Variants in PDE9A observed in about 807,000 individuals in gnomAD.
PDE9A encodes the protein phosphodiesterase 9A.
PDE9A carries 60 observed loss-of-function variants against 87.4 expected under a neutral mutation model. The observed-to-expected ratio is 0.69, with a 90% CI of 0.56 to 0.85. The LOEUF (loss-of-function observed/expected upper bound fraction) is 0.85, where lower values mean the gene tolerates loss of function less well. Ranked by LOEUF, PDE9A falls within the 40% of genes least tolerant of loss-of-function variation. PDE9A has a pLI of 0.00. For synonymous variants in PDE9A, 272 were observed against 279.4 expected (o/e 0.97, Z 0.27); for missense variants, 665 against 779.0 (o/e 0.85, Z 1.74).
rs139323311 is a variant in PDE9A at position 42,762,984 on chromosome 21, C to T, written c.1242+745C>T. ...CTGGGATTACAGGTGTGAGCCACCA[C>T]GCCCGGCCACCCCTTCCATTTTAGA... On this transcript the variant is annotated intron_variant, in intron 14 of 19. Coordinates refer to ENST00000291539, the MANE Select transcript of PDE9A (RefSeq NM_002606.3). Among the ~76,000 whole-genome samples, 418 of 152,332 alleles carry T rather than the reference C, an allele frequency of 2.7e-3. 1 individual carries two copies. Among genetic ancestry groups the T allele is most frequent in the African/African-American group, 9.4e-3 (390 of 41,576 alleles).
chr21:42,774,566 G>A (rs947973751), intron 19 of PDE9A, among the ~76,000 whole-genome samples: 4 of 152,128 alleles, frequency 2.6e-5, no homozygotes, highest in African/African-American at 9.7e-5. Context: ...CAATATATCT[G>A]ATGGCCTCTT....
Position 42,771,743 on chromosome 21 carries a change from C to T in PDE9A, c.1687-696C>T, listed in dbSNP as rs374101470. Among the ~76,000 whole-genome samples, 62 of 152,374 alleles carry T rather than the reference C, an allele frequency of 4.1e-4. 1 individual carries two copies. In the South Asian group the frequency reaches 0.012, roughly 31 times the overall value. ...ATCTCCCTCGACTGACGGCCCCGTG[C>T]TCCCCATGCCCACACCCGCCTGGAG... On this transcript the variant is annotated intron_variant, in intron 18 of 19. Coordinates refer to ENST00000291539, the MANE Select transcript of PDE9A (RefSeq NM_002606.3).
intron 4 of PDE9A, among the ~76,000 whole-genome samples, chr21:42,718,304 C>T (rs953486066): frequency 1.3e-5 from 2 of 151,782 alleles, no homozygotes; most frequent in East Asian, 1.9e-4. Flanking sequence ...TATCCTTCTT[C>T]ATGTTCATTG....
At chr21:42,689,301 C>G (rs2059658779) in intron 3 of PDE9A, among the ~76,000 whole-genome samples, 1 of 152,246 alleles carries the variant, frequency 6.6e-6, no homozygotes, top group Non-Finnish European at 1.5e-5. Flanking sequence ...AGTCTCCCCT[C>G]CTGCCCTAGC....
rs948905025 is a variant in PDE9A, at chr21:42,775,334, C to T, written c.*41C>T. ...TGGCTGCAGTTCTGGACGGGCTGGCCGAGCTGCGCGGGATCCTTGTGCAGG... is the reference window on the plus strand; with the variant it reads ...TGGCTGCAGTTCTGGACGGGCTGGCTGAGCTGCGCGGGATCCTTGTGCAGG... On this transcript the variant is annotated 3_prime_UTR_variant, in exon 20 of 20. Transcript: ENST00000291539. 1.2e-5 allele frequency: 19 copies of T among 1,600,596 alleles called. No homozygotes were observed. Among genetic ancestry groups the T allele is most frequent in the Admixed American group, 8.5e-5 (5 of 58,662 alleles).
chr21:42,719,010 T>C (rs1430260961), intron 4 of PDE9A, among the ~76,000 whole-genome samples: 1 of 151,712 alleles, frequency 6.6e-6, no homozygotes, highest in Non-Finnish European at 1.5e-5. Context: ...GACCCTTCTG[T>C]GGTTTTAGTA....
intron 9 of PDE9A, 46 bp downstream of exon 9, chr21:42,751,243 G>C (rs1007776772): frequency 7.4e-7 from 1 of 1,344,932 alleles, no homozygotes; most frequent in Admixed American, 1.7e-5. Flanking sequence ...TGTGTCCCCA[G>C]CCCCACGCCC....
chr21:42,726,620 A>ATTTTTTTTTTTTTTTTTTTT (rs1246828424), intron 4 of PDE9A, among the ~76,000 whole-genome samples: 1 of 24,236 alleles, frequency 4.1e-5, no homozygotes, highest in African/African-American at 2.4e-4. Flanking sequence ...ATATATATAT[A>ATTTTTTTTTTTTTTTTTTTT]TATATTTTTT....
chr21:42,719,658 A>G lies in PDE9A; in HGVS notation c.263-12112A>G, dbSNP rs944351799. Among the ~76,000 whole-genome samples the G allele has an allele frequency of 3.8e-4, 56 of 146,916 alleles. 1 individual carries two copies. Among genetic ancestry groups the G allele is most frequent in the Non-Finnish European group, 6.9e-4 (45 of 64,878 alleles). On this transcript the variant is annotated intron_variant, in intron 4 of 19. Coordinates refer to ENST00000291539, the MANE Select transcript of PDE9A (RefSeq NM_002606.3). ...CTGTCTCAAAAAAAAAAAAAAAAAA[A>G]AAAGAAATATTCCTTCGTTCTTTTA... is the stretch of plus-strand genomic sequence containing the variant.
chr21:42,753,692 C>T (rs1356937152), intron 9 of PDE9A, among the ~76,000 whole-genome samples: 1 of 151,864 alleles, frequency 6.6e-6, no homozygotes, highest in Admixed American at 6.6e-5. Flanking sequence ...GTGAACTCCC[C>T]ATCTCTACTA....
At chr21:42,662,550 G>C (rs1456037780) in intron 1 of PDE9A, among the ~76,000 whole-genome samples, 1 of 120,838 alleles carries the variant, frequency 8.3e-6, no homozygotes, top group Non-Finnish European at 1.7e-5. Flanking sequence ...TACACACCAT[G>C]CACATCACAC....
chr21:42,765,648 C>A, intron 15 of PDE9A, 154 bp downstream of exon 15: 2 of 658,470 alleles, frequency 3.0e-6, no homozygotes, highest in East Asian at 2.8e-5. Flanking sequence ...ATGACTCTTA[C>A]TAGGAAAGTC....
At chr21:42,730,279 C>G (rs1276824083) in intron 4 of PDE9A, among the ~76,000 whole-genome samples, 1 of 152,164 alleles carries the variant, frequency 6.6e-6, no homozygotes, top group African/African-American at 2.4e-5. Context: ...CATTTTTACG[C>G]TTGTACCTTC....
Position 42,752,865 on chromosome 21 carries a change from G to A in PDE9A, c.736-1125G>A, listed in dbSNP as rs1309684855. Among the ~76,000 whole-genome samples the A allele has an allele frequency of 2.6e-5, 4 of 152,208 alleles. No homozygotes were observed. The East Asian group carries it at 5.8e-4, about 22-fold the overall frequency. ...CCTCAGAAGCAACCCAGGGGCACCG[G>A]CCCCATCAGCAGGCCTGCTCTTCTA... is the stretch of plus-strand genomic sequence containing the variant. On this transcript the variant is annotated intron_variant, in intron 9 of 19. Coordinates refer to ENST00000291539, the MANE Select transcript of PDE9A (RefSeq NM_002606.3).
intron 6 of PDE9A, 63 bp from the exon 7 acceptor site, chr21:42,733,292 AC>A (rs1213635851): frequency 5.3e-6 from 5 of 950,134 alleles, no homozygotes; most frequent in Non-Finnish European, 8.6e-6. Context: ...TGTTTGCTTA[AC>A]CGGTTTTGGC....
intron 1 of PDE9A, among the ~76,000 whole-genome samples, chr21:42,674,316 C>CTTTTTTTTTTTTTTTTTTTTTTTT (rs34238765): frequency 7.4e-6 from 1 of 134,608 alleles, no homozygotes; most frequent in African/African-American, 2.8e-5. Context: ...TTTAGACATT[C>CTTTTTTTTTTTTTTTTTTTTTTTT]TTTTTTTTTT....
rs1200739248 is a variant in PDE9A at position 42,705,997 on chromosome 21, T to C, written c.262+6986T>C. Among the ~76,000 whole-genome samples the C allele has an allele frequency of 6.6e-6, 1 of 152,148 alleles. No individual in the cohort carries two copies. Among genetic ancestry groups the C allele is most frequent in the Non-Finnish European group, 1.5e-5 (1 of 68,014 alleles). On this transcript the variant is annotated intron_variant, in intron 4 of 19. Transcript: ENST00000291539. This position sits in a 1 kb window ranked among gnomAD's most constrained non-coding sequence, Gnocchi z 4.3. The stretch of plus-strand genomic sequence containing the variant: ...ATAGAAGGACAATAAAAGGGGGCCA[T>C]AAGGAGGCGCATCCGCAGAGTGCGT...
intron 4 of PDE9A, among the ~76,000 whole-genome samples, chr21:42,710,773 C>T (rs147794395): frequency 3.3e-5 from 5 of 152,060 alleles, no homozygotes; most frequent in Non-Finnish European, 7.4e-5. Flanking sequence ...GGATTACCTG[C>T]GGTCAAGAGT....
chr21:42,749,394 G>T (rs1027670770), intron 8 of PDE9A, among the ~76,000 whole-genome samples: 6 of 152,100 alleles, frequency 3.9e-5, no homozygotes, highest in African/African-American at 1.4e-4. Context: ...CACCCATAGG[G>T]TGTGAACCCA....
Sources: gnomAD v4.1 joint callset for allele counts (sites outside exome capture counted in the v4.1 genomes callset) on GRCh38, gnomAD v4.1.1 for gene constraint, Gnocchi (gnomAD v3.1) non-coding constraint, MANE v1.5 for transcripts, NCBI Gene and HGNC (gene_info 2026-07-23, HGNC 2026-07-21) for gene names.